NPM1: variants seen among roughly 807,000 people sequenced by gnomAD.
The protein encoded by NPM1 is nucleophosmin.
A neutral mutation model predicts 44.1 loss-of-function variants in NPM1; 1 was observed. That is an observed-to-expected ratio of 0.02 (90% CI 0.01 to 0.11). NPM1 has a LOEUF of 0.11. Among genes scored for constraint, NPM1 ranks in the 10% least tolerant of loss-of-function variants. The pLI is 1.00. For synonymous variants in NPM1, 126 were observed against 111.8 expected (o/e 1.13, Z -0.80); for missense variants, 197 against 347.8 (o/e 0.57, Z 3.45).
chr5:171,391,593 CAG>C lies in NPM1; in HGVS notation c.259-110_259-109del, dbSNP rs1395705450. ...TGGGGGCTTCTGCTGCTACTTTTAT[CAG>C]AGGTGGAAAAACAGGTTCACTGGTT... On this transcript the variant is annotated intron_variant, in intron 3 of 10. Transcript: ENST00000296930. The C allele has an allele frequency of 2.7e-6, 3 of 1,118,082 alleles. No individual in the cohort carries two copies. The African/African-American group carries it at 4.7e-5, about 17-fold the overall frequency. The allele number at this position is 1,118,082 out of a possible 1,614,324, so 69.3% of individuals were successfully genotyped here.
intron 8 of NPM1, among the ~76,000 whole-genome samples, chr5:171,404,623 C>CTGGGAAGAGG (rs1771463795): frequency 8.2e-6 from 1 of 121,622 alleles, no homozygotes; most frequent in Non-Finnish European, 1.7e-5. Flanking sequence ...GGGATGGCGG[C>CTGGGAAGAGG]CGGGCGGAGA....
At chr5:171,407,992 A>G (rs1463933275) in intron 10 of NPM1, among the ~76,000 whole-genome samples, 1 of 152,098 alleles carries the variant, frequency 6.6e-6, no homozygotes, top group East Asian at 1.9e-4. Flanking sequence ...TTTTTCCCAG[A>G]TTTCCTATAG....
chr5:171,388,662 A>G (rs1770407338), intron 1 of NPM1, among the ~76,000 whole-genome samples: 1 of 152,176 alleles, frequency 6.6e-6, no homozygotes, highest in Non-Finnish European at 1.5e-5. Flanking sequence ...TGAGCCAGGG[A>G]TGCTGTGGCT....
At chr5:171,388,546 G>A (rs899944792) in intron 1 of NPM1, among the ~76,000 whole-genome samples, 8 of 151,738 alleles carry the variant, frequency 5.3e-5, no homozygotes, top group Non-Finnish European at 1.2e-4. Context: ...GGCGCGGCGC[G>A]GCGTGAGGAG....
intron 6 of NPM1, among the ~76,000 whole-genome samples, chr5:171,394,919 C>G (rs1286424213): frequency 6.6e-6 from 1 of 152,146 alleles, no homozygotes; most frequent in African/African-American, 2.4e-5. Flanking sequence ...TGGCTCACGC[C>G]TGTAATCCCA....
At chr5:171,406,366 A>G in intron 9 of NPM1, 1 of 1,592,452 alleles carries the variant, frequency 6.3e-7, no homozygotes, top group East Asian at 2.2e-5. Flanking sequence ...CTCCATTTTA[A>G]TATGGTCCTA....
In NPM1 at chr5:171,392,959, G is replaced by T; in HGVS notation, c.505G>T (p.Glu169Ter). The T allele has an allele frequency of 6.2e-7, 1 of 1,609,386 alleles. No individual in the cohort carries two copies. Among genetic ancestry groups the T allele is most frequent in the South Asian group, 1.1e-5 (1 of 90,916 alleles). Residue 169 changes from glutamate (E) to a stop codon, truncating the protein, a stop_gained, in exon 6 of 11, where the codon GAA (glutamate) becomes TAA (stop). Transcript: ENST00000296930. LOFTEE classifies it high-confidence loss of function. Reference protein sequence around the residue: ...AADEDDDDDDEEDDDEDDDDD... With the variant: ...AADEDDDDDD ...TGATGAAGATGATGACGATGATGATGAAGAGGATGATGATGAAGAGTAAGT... is the reference window on the plus strand; with the variant it reads ...TGATGAAGATGATGACGATGATGATTAAGAGGATGATGATGAAGAGTAAGT...
chr5:171,391,854 T>G, intron 4 of NPM1, 55 bp downstream of exon 4: 1 of 1,111,538 alleles, frequency 9.0e-7, no homozygotes, highest in East Asian at 2.4e-5. Flanking sequence ...GTGCAGTTGC[T>G]TGGTTCCCAG....
At position 171,407,688 on chromosome 5, in the gene NPM1, T is replaced by G. The variant is rs1164837883; in HGVS notation, c.772-12T>G. ...TCTCTACTTACCTGTAATAATGCTT[T>G]TGTCTTAATAGGGTGGTTCTCTTCC... On this transcript the variant is annotated splice_polypyrimidine_tract_variant and intron_variant, in intron 9 of 10. Transcript: ENST00000296930. The G allele has an allele frequency of 3.3e-6, 5 of 1,531,766 alleles. No individual in the cohort carries two copies. Among genetic ancestry groups the G allele is most frequent in the Non-Finnish European group, 9.0e-7 (1 of 1,106,764 alleles). The allele number at this position is 1,531,766 out of a possible 1,614,324, so 94.9% of individuals were successfully genotyped here.
chr5:171,408,161 T>C (rs1286599096), intron 10 of NPM1, among the ~76,000 whole-genome samples: 9 of 151,592 alleles, frequency 5.9e-5, no homozygotes, highest in East Asian at 1.9e-4. Context: ...TTTTTTTTTT[T>C]CCTAGATCTT....
chr5:171,390,304 T>C, intron 2 of NPM1, 174 bp downstream of exon 2: 2 of 467,354 alleles, frequency 4.3e-6, no homozygotes, highest in Non-Finnish European at 7.5e-6. Flanking sequence ...ACTTGGCATC[T>C]ATACCACTCA....
At chr5:171,399,130 C>T (rs1218358911) in intron 6 of NPM1, among the ~76,000 whole-genome samples, 3 of 152,220 alleles carry the variant, frequency 2.0e-5, no homozygotes, top group Admixed American at 1.3e-4. Flanking sequence ...GGATTACAAG[C>T]GTGAGCCACG....
chr5:171,399,624 C>T (rs1279231883), intron 6 of NPM1, among the ~76,000 whole-genome samples: 4 of 151,836 alleles, frequency 2.6e-5, no homozygotes, highest in East Asian at 1.9e-4. Context: ...CCTGTATATT[C>T]GGGGAGTGTT....
At chr5:171,398,616 C>A (rs924956483) in intron 6 of NPM1, among the ~76,000 whole-genome samples, 8 of 151,988 alleles carry the variant, frequency 5.3e-5, no homozygotes, top group African/African-American at 1.9e-4. Context: ...ACTAAAAATA[C>A]AAATTTTAGC....
At chr5:171,391,556 A>C in intron 3 of NPM1, 132 bp downstream of exon 3, 1 of 1,240,332 alleles carries the variant, frequency 8.1e-7, no homozygotes, top group Non-Finnish European at 1.1e-6. Context: ...TTCGATGGTC[A>C]ACTCTTGAAC....
intron 10 of NPM1, among the ~76,000 whole-genome samples, chr5:171,408,074 G>A (rs77531212): frequency 0.037 from 5,557 of 151,386 alleles, 386 homozygotes; most frequent in African/African-American, 0.13. Flanking sequence ...GGAAATTGCT[G>A]TGGTTTTCCT....
chr5:171,389,322 A>G lies in NPM1; in HGVS notation c.59-729A>G, dbSNP rs73327204. Among the ~76,000 whole-genome samples, 576 of 152,368 alleles carry G rather than the reference A, an allele frequency of 3.8e-3. 3 individuals are homozygous for G. The highest frequency in any genetic ancestry group is 0.011 in the African/African-American group (462 of 41,584). On this transcript the variant is annotated intron_variant, in intron 1 of 10. Transcript: ENST00000296930. ...TATTGGTAACGGTTAGATGATAGTT[A>G]AATGGAATCATTTAAAATTTTTATT...
In NPM1 at chr5:171,394,088, C is replaced by A. The variant is rs575585269; in HGVS notation, c.524+1110C>A. Reference sequence around the variant, plus strand: ...GAGATGGAGTCTCCAGTTGCTCAGGCTGGAGTGCGGTGGCGCCATCTCGGC... The same window carrying A: ...GAGATGGAGTCTCCAGTTGCTCAGGATGGAGTGCGGTGGCGCCATCTCGGC... On this transcript the variant is annotated intron_variant, in intron 6 of 10. Coordinates refer to ENST00000296930, the MANE Select transcript of NPM1 (RefSeq NM_002520.7). Among the ~76,000 whole-genome samples the A allele has an allele frequency of 2.3e-5, 3 of 130,568 alleles. No homozygotes were observed. In the South Asian group the frequency reaches 7.3e-4, roughly 32 times the overall value. 85.7% of individuals were successfully genotyped at this position (130,568 alleles called of 152,430 possible). A position where few individuals can be genotyped will look rare whatever the true frequency, so the allele number is the denominator to read the frequency against.
intron 10 of NPM1, among the ~76,000 whole-genome samples, chr5:171,408,709 TATTTGGAATACTAAACATTGATTA>T (rs1344779585): frequency 6.6e-6 from 1 of 152,216 alleles, no homozygotes; most frequent in Non-Finnish European, 1.5e-5. Flanking sequence ...TTTGGGAGTT[TATTTGGAATACTAAACATTGATTA>T]ATCATAAATT....
Sources: allele counts gnomAD v4.1 joint callset (sites outside exome capture counted in the v4.1 genomes callset), GRCh38; gene constraint gnomAD v4.1.1; transcripts MANE v1.5; gene names NCBI Gene and HGNC (gene_info 2026-07-23, HGNC 2026-07-21).